FRMPD2: variants seen among roughly 807,000 people sequenced by gnomAD.
The protein encoded by FRMPD2 is FERM and PDZ domain containing 2.
In FRMPD2, 96 loss-of-function variants were observed where a neutral mutation model predicts 140.1. That is an observed-to-expected ratio of 0.69 (90% CI 0.58 to 0.81). The LOEUF (loss-of-function observed/expected upper bound fraction) is 0.81. FRMPD2 is among the 40% of genes least tolerant of loss of function. The pLI, the probability that FRMPD2 is intolerant of heterozygous loss-of-function variation, is 0.00. For synonymous variants in FRMPD2, 449 were observed against 547.6 expected (o/e 0.82, Z 2.52); for missense variants, 1,240 against 1,447.4 (o/e 0.86, Z 2.32).
At chr10:48,265,524 AAAAC>A (rs1262716942) in intron 1 of FRMPD2, among the ~76,000 whole-genome samples, 4 of 152,180 alleles carry the variant, frequency 2.6e-5, no homozygotes, top group Admixed American at 6.6e-5. Flanking sequence ...TCATAAGAAA[AAAAC>A]AAACAACCCC....
At chr10:48,272,271 C>T (rs1027319585) in intron 1 of FRMPD2, among the ~76,000 whole-genome samples, 3 of 152,154 alleles carry the variant, frequency 2.0e-5, no homozygotes, top group Admixed American at 6.5e-5. Context: ...CTCCTTAAAC[C>T]TTTCTTGGAT....
intron 3 of FRMPD2, among the ~76,000 whole-genome samples, chr10:48,246,656 T>C (rs183973): frequency 1.3e-5 from 2 of 152,174 alleles, no homozygotes; most frequent in African/African-American, 2.4e-5. Flanking sequence ...TTAGGGCAGA[T>C]GTTGGTCCAA....
chr10:48,161,622 A>T (rs1554790774), intron 28 of FRMPD2, among the ~76,000 whole-genome samples: 1 of 151,318 alleles, frequency 6.6e-6, no homozygotes, highest in African/African-American at 2.4e-5. Flanking sequence ...TCACCTTAAT[A>T]TAAGGAAGAA....
chr10:48,204,932 C>A (rs1839171965), intron 14 of FRMPD2, among the ~76,000 whole-genome samples: 1 of 152,184 alleles, frequency 6.6e-6, no homozygotes, highest in Admixed American at 6.5e-5. Context: ...GAATCATATT[C>A]TTTGGAAATG....
intron 10 of FRMPD2, among the ~76,000 whole-genome samples, chr10:48,226,893 C>T (rs986534148): frequency 5.3e-5 from 8 of 152,132 alleles, no homozygotes; most frequent in East Asian, 3.9e-4. Context: ...ACAGCTGGAG[C>T]CTGTGAGGAT....
At chr10:48,266,029 G>A (rs1420093305) in intron 1 of FRMPD2, among the ~76,000 whole-genome samples, 1 of 152,136 alleles carries the variant, frequency 6.6e-6, no homozygotes, top group Non-Finnish European at 1.5e-5. Context: ...GGAATATTAT[G>A]CAGCCACAAA....
At chr10:48,187,059 G>T (rs1022503024) in intron 17 of FRMPD2, 133 bp downstream of exon 17, 23 of 626,072 alleles carry the variant, frequency 3.7e-5, no homozygotes, top group African/African-American at 2.8e-4. Context: ...AGTTTAAAAA[G>T]AAAACAATTC....
Position 48,259,635 on chromosome 10 carries a change from AGTGTGT to A in FRMPD2, c.26-7950_26-7945del, listed in dbSNP as rs144847579. On this transcript the variant is annotated intron_variant, in intron 1 of 28. Transcript: ENST00000374201. The stretch of plus-strand genomic sequence containing the variant: ...AGTAGTACATGAATGTGTGTGTGTA[AGTGTGT>A]GTGTGTGTGTGTGTGTGAGTATACA... Among the ~76,000 whole-genome samples, 28 of 148,494 alleles carry A rather than the reference AGTGTGT, an allele frequency of 1.9e-4. 1 individual carries two copies. Among genetic ancestry groups the A allele is most frequent in the Middle Eastern group, 6.9e-3 (2 of 288 alleles).
rs1434829731 is a variant in FRMPD2, at chr10:48,184,824, G to A, written c.2417C>T (p.Ser806Phe). The change falls in exon 19 of 29, where the codon TCT becomes TTT. Residue 806 changes from serine (S) to phenylalanine (F), a missense_variant. Ser to Phe is a radical substitution (Grantham distance 155, BLOSUM62 -2). This residue lies in a region of FRMPD2 where 1,161 missense variants were observed against 1,055.9 expected (regional missense o/e 1.10). Coordinates refer to ENST00000374201, the MANE Select transcript of FRMPD2 (RefSeq NM_001018071.4). ...SGQADPGIFI[S>F]SIIPGGPAEK... ...TGCTGGTCCTCCAGGTATAATAGAAGATATAAAAATGCCAGGGTCAGCTTG... is the reference window on the plus strand; with the variant it reads ...TGCTGGTCCTCCAGGTATAATAGAAAATATAAAAATGCCAGGGTCAGCTTG... The A allele has an allele frequency of 6.2e-7, 1 of 1,613,788 alleles. No homozygotes were observed. The highest frequency in any genetic ancestry group is 8.5e-7 in the Non-Finnish European group (1 of 1,179,930).
At chr10:48,200,150 A>G (rs1839048325) in intron 15 of FRMPD2, among the ~76,000 whole-genome samples, 1 of 129,470 alleles carries the variant, frequency 7.7e-6, no homozygotes, top group East Asian at 2.3e-4. Flanking sequence ...AAGCTAAAAA[A>G]TATAAATAAA....
At chr10:48,232,083 G>C (rs766849072) in intron 10 of FRMPD2, 32 bp downstream of exon 10, 2 of 1,611,194 alleles carry the variant, frequency 1.2e-6, no homozygotes, top group South Asian at 2.2e-5. Context: ...AGAGGCACCA[G>C]GCCAGCTGTG....
At chr10:48,218,321 G>A (rs766008625) in intron 12 of FRMPD2, among the ~76,000 whole-genome samples, 5 of 152,200 alleles carry the variant, frequency 3.3e-5, no homozygotes, top group South Asian at 2.1e-4. Context: ...GCCAGACCCC[G>A]ATGACGTAGC....
chr10:48,170,565 T>C (rs1838214890), intron 26 of FRMPD2, among the ~76,000 whole-genome samples: 1 of 151,206 alleles, frequency 6.6e-6, no homozygotes, highest in African/African-American at 2.4e-5. Context: ...ATTTCATTAC[T>C]CTCTCTTCTT....
intron 4 of FRMPD2, 152 bp from the exon 5 acceptor site, chr10:48,242,504 G>A (rs1316371462): frequency 1.6e-6 from 1 of 613,632 alleles, no homozygotes; most frequent in Non-Finnish European, 2.8e-6. Context: ...TTTAAGGACA[G>A]ACACAAGATC....
rs1293996667 is a variant in FRMPD2, at chr10:48,222,432, G to T, written c.1336C>A (p.Gln446Lys). 1 of 1,614,042 alleles carries T rather than the reference G, an allele frequency of 6.2e-7. No individual in the cohort carries two copies. Among genetic ancestry groups the T allele is most frequent in the Admixed American group, 1.7e-5 (1 of 60,026 alleles). Reference sequence around the variant, plus strand: ...TCTTTCCGAAGCTGCAGGTAAAACTGGTGCCTTGTCAGGCTGTGCCTGGAA... The same window carrying T: ...TCTTTCCGAAGCTGCAGGTAAAACTTGTGCCTTGTCAGGCTGTGCCTGGAA... ...GLLQHSLTRHQFYLQLRKDIL... is the reference protein window; with the variant it reads ...GLLQHSLTRHKFYLQLRKDIL... Residue 446 changes from glutamine (Q) to lysine (K), a missense_variant, in exon 12 of 29, where the codon CAG (glutamine) becomes AAG (lysine). Around this residue, in one of 6 missense-constraint regions of FRMPD2, gnomAD observed 1,161 missense variants for 1,055.9 expected, o/e 1.10. Coordinates refer to ENST00000374201, the MANE Select transcript of FRMPD2 (RefSeq NM_001018071.4).
At chr10:48,212,793 G>C (rs1213294732) in intron 12 of FRMPD2, among the ~76,000 whole-genome samples, 1 of 152,146 alleles carries the variant, frequency 6.6e-6, no homozygotes, top group Non-Finnish European at 1.5e-5. Flanking sequence ...AGGGTGGCAG[G>C]TGGAATCACT....
chr10:48,179,840 T>C (rs1348339892), intron 21 of FRMPD2, among the ~76,000 whole-genome samples: 5 of 152,134 alleles, frequency 3.3e-5, no homozygotes, highest in Admixed American at 3.3e-4. Context: ...CCAGCAAGAA[T>C]GAGAAGGGCA....
chr10:48,234,071 G>C (rs1198152956), intron 9 of FRMPD2, among the ~76,000 whole-genome samples: 1 of 152,224 alleles, frequency 6.6e-6, no homozygotes, highest in African/African-American at 2.4e-5. Context: ...CCCCTTGGGG[G>C]ACCACTGATT....
chr10:48,194,142 G>A (rs1270761268), intron 15 of FRMPD2, among the ~76,000 whole-genome samples: 3 of 152,218 alleles, frequency 2.0e-5, no homozygotes, highest in Non-Finnish European at 4.4e-5. Flanking sequence ...TGCTTACTAT[G>A]TGCCAGGCGT....
Sources: allele counts gnomAD v4.1 joint callset (sites outside exome capture counted in the v4.1 genomes callset), GRCh38; gene constraint gnomAD v4.1.1; regional missense constraint gnomAD v4.1.1; transcripts MANE v1.5; gene names NCBI Gene and HGNC (gene_info 2026-07-23, HGNC 2026-07-21).